KDM4C: variants seen among roughly 807,000 people sequenced by gnomAD.
KDM4C encodes lysine-specific demethylase 4C.
A neutral mutation model predicts 129.3 loss-of-function variants in KDM4C; 81 were observed. The ratio of observed to expected loss-of-function variants is 0.63; its 90% CI spans 0.52 to 0.75. KDM4C has a LOEUF of 0.75. Ranked by LOEUF, KDM4C falls within the 30% of genes least tolerant of loss-of-function variation. The probability of loss-of-function intolerance (pLI) is 0.00; values close to 1 mark genes in which losing one functional copy is unlikely to be tolerated. For missense variants in KDM4C, 1,457 were observed against 1,304.0 expected (o/e 1.12, Z -1.81); for synonymous variants, 573 against 456.1 (o/e 1.26, Z -3.26).
chr9:7,082,866 A>G (rs898872007), intron 17 of KDM4C, among the ~76,000 whole-genome samples: 1 of 152,178 alleles, frequency 6.6e-6, no homozygotes, highest in Non-Finnish European at 1.5e-5. Context: ...GCAAAAAAAA[A>G]TTGTCAGATT....
chr9:7,079,317 A>G (rs369456329), intron 17 of KDM4C, among the ~76,000 whole-genome samples: 14 of 152,200 alleles, frequency 9.2e-5, no homozygotes, highest in African/African-American at 3.4e-4. Flanking sequence ...TACAAGAGTG[A>G]CTTTGTTTTT....
intron 1 of KDM4C, among the ~76,000 whole-genome samples, chr9:6,767,016 C>T (rs1820761021): frequency 6.6e-6 from 1 of 152,136 alleles, no homozygotes; most frequent in African/African-American, 2.4e-5. Flanking sequence ...CTGTTCTGTT[C>T]TGAGAGTCCA....
At chr9:7,010,999 G>T (rs1285038298) in intron 12 of KDM4C, among the ~76,000 whole-genome samples, 1 of 151,944 alleles carries the variant, frequency 6.6e-6, no homozygotes, top group Non-Finnish European at 1.5e-5. Flanking sequence ...AGCTGAGATT[G>T]CACCATTGTA....
chr9:6,945,126 G>A (rs369571864), intron 8 of KDM4C, among the ~76,000 whole-genome samples: 6 of 152,094 alleles, frequency 3.9e-5, no homozygotes, highest in African/African-American at 1.2e-4. Flanking sequence ...CTCACTGCAC[G>A]AACCCGTGGA....
chr9:7,102,514 C>T (rs980084632), intron 17 of KDM4C, among the ~76,000 whole-genome samples: 5 of 152,000 alleles, frequency 3.3e-5, no homozygotes, highest in African/African-American at 9.7e-5. Context: ...CTGGGCAAGA[C>T]ACCGTGGGCG....
chr9:6,943,968 T>A (rs902910606), intron 8 of KDM4C, among the ~76,000 whole-genome samples: 7 of 152,202 alleles, frequency 4.6e-5, no homozygotes, highest in Non-Finnish European at 1.0e-4. Context: ...GACAGACTTT[T>A]ACCTGGATCC....
intron 1 of KDM4C, among the ~76,000 whole-genome samples, chr9:6,764,371 A>T (rs149237412): frequency 2.0e-5 from 3 of 152,204 alleles, no homozygotes; most frequent in African/African-American, 7.2e-5. Flanking sequence ...TAATTGGTTC[A>T]TTTATATGTT....
intron 19 of KDM4C, among the ~76,000 whole-genome samples, chr9:7,159,132 G>C (rs1404594992): frequency 6.6e-6 from 1 of 152,028 alleles, no homozygotes; most frequent in African/African-American, 2.4e-5. Context: ...TTGGTTTGAA[G>C]TCTGTTTAAC....
intron 8 of KDM4C, among the ~76,000 whole-genome samples, chr9:6,928,520 C>G (rs1263137833): frequency 6.6e-6 from 1 of 152,044 alleles, no homozygotes; most frequent in African/African-American, 2.4e-5. Context: ...GTGGTTTCAC[C>G]AAGATTGTAG....
intron 18 of KDM4C, among the ~76,000 whole-genome samples, chr9:7,122,207 T>A (rs1199593719): frequency 6.6e-6 from 1 of 151,362 alleles, no homozygotes; most frequent in African/African-American, 2.4e-5. Flanking sequence ...TTATATGGTC[T>A]GAGCAGGAGG....
intron 8 of KDM4C, among the ~76,000 whole-genome samples, chr9:6,975,567 A>C (rs937409809): frequency 2.0e-5 from 3 of 152,118 alleles, no homozygotes; most frequent in African/African-American, 7.2e-5. Context: ...GTTTCTTCAT[A>C]TATTTTTTTA....
intron 17 of KDM4C, among the ~76,000 whole-genome samples, chr9:7,075,472 C>T (rs542771613): frequency 1.2e-4 from 19 of 152,186 alleles, no homozygotes; most frequent in East Asian, 5.8e-4. Context: ...TCCTCACTGA[C>T]GGAATAAGTT....
intron 12 of KDM4C, among the ~76,000 whole-genome samples, chr9:7,000,831 A>G (rs1820595437): frequency 6.6e-6 from 1 of 152,136 alleles, no homozygotes; most frequent in African/African-American, 2.4e-5. Context: ...TGTTACTTTC[A>G]CCTTTTCTTT....
chr9:6,735,797 A>G (rs555381122), intron 1 of KDM4C, among the ~76,000 whole-genome samples: 2 of 152,184 alleles, frequency 1.3e-5, no homozygotes, highest in Non-Finnish European at 2.9e-5. Context: ...TGCTGTAGAT[A>G]CCCAAAAATG....
At chr9:6,755,109 C>T (rs760918522), upstream of KDM4C, among the ~76,000 whole-genome samples, 1 of 152,082 alleles carries the variant, frequency 6.6e-6, no homozygotes, top group Non-Finnish European at 1.5e-5. Flanking sequence ...TGGTGGCTCA[C>T]GCTTGTAATC....
intron 11 of KDM4C, 75 bp from the exon 12 acceptor site, chr9:6,990,341 G>T: frequency 1.0e-6 from 1 of 956,788 alleles, no homozygotes. Flanking sequence ...AAATAATTGT[G>T]AACTGTAGGG....
At chr9:6,798,815 G>A (rs1828284971) in intron 2 of KDM4C, among the ~76,000 whole-genome samples, 1 of 152,120 alleles carries the variant, frequency 6.6e-6, no homozygotes, top group African/African-American at 2.4e-5. Flanking sequence ...CGTAGGGGCG[G>A]CCGGGCAGAG....
chr9:6,735,727 C>T (rs928254638), intron 1 of KDM4C, among the ~76,000 whole-genome samples: 1 of 152,140 alleles, frequency 6.6e-6, no homozygotes, highest in African/African-American at 2.4e-5. Context: ...TCAGGTATGT[C>T]TTTATCAGCA....
chr9:6,964,013 G>C (rs1176225983), intron 8 of KDM4C, among the ~76,000 whole-genome samples: 1 of 151,722 alleles, frequency 6.6e-6, no homozygotes, highest in Non-Finnish European at 1.5e-5. Context: ...AGAAAGCTAA[G>C]AACATAACTC....
Sources: gnomAD v4.1 joint callset for allele counts (sites outside exome capture counted in the v4.1 genomes callset) on GRCh38, gnomAD v4.1.1 for gene constraint, MANE v1.5 for transcripts, NCBI Gene and HGNC (gene_info 2026-07-23, HGNC 2026-07-21) for gene names.